Variants in HS6ST3 observed in about 807,000 individuals in gnomAD.
HS6ST3 encodes the protein heparan-sulfate 6-O-sulfotransferase 3.
HS6ST3 carries 12 observed loss-of-function variants against 36.7 expected under a neutral mutation model. The observed-to-expected ratio is 0.33, with a 90% CI of 0.21 to 0.53. The LOEUF is 0.53. Ranked by LOEUF, HS6ST3 falls within the 20% of genes least tolerant of loss-of-function variation. The pLI, the probability that HS6ST3 is intolerant of heterozygous loss-of-function variation, is 0.95. For synonymous variants in HS6ST3, 240 were observed against 257.5 expected, an observed-to-expected ratio of 0.93 and a Z score of 0.65; for missense variants, 584 against 640.9, an observed-to-expected ratio of 0.91 and a Z score of 0.96.
intron 1 of HS6ST3, among the ~76,000 whole-genome samples, chr13:96,410,596 T>C (rs1049183996): frequency 2.6e-5 from 4 of 152,134 alleles, no homozygotes; most frequent in Admixed American, 2.0e-4. Context: ...ATGTCTATAA[T>C]AGGGTAGTAT....
At chr13:96,348,552 C>T (rs1343798873) in intron 1 of HS6ST3, among the ~76,000 whole-genome samples, 1 of 152,112 alleles carries the variant, frequency 6.6e-6, no homozygotes, top group Non-Finnish European at 1.5e-5. Flanking sequence ...ATTACTGAAA[C>T]CAACATGTGT....
At chr13:96,354,602 T>G (rs2055200694) in intron 1 of HS6ST3, among the ~76,000 whole-genome samples, 2 of 152,172 alleles carry the variant, frequency 1.3e-5, no homozygotes, top group Admixed American at 1.3e-4. Flanking sequence ...CATGAAGAAT[T>G]ACATAATGTT....
At chr13:96,775,906 C>T (rs186292100) in intron 1 of HS6ST3, among the ~76,000 whole-genome samples, 42 of 152,244 alleles carry the variant, frequency 2.8e-4, no homozygotes, top group African/African-American at 8.2e-4. Flanking sequence ...AGCACCACAT[C>T]GCAATGATTC....
chr13:96,541,113 A>G (rs980763292), intron 1 of HS6ST3, among the ~76,000 whole-genome samples: 1 of 152,018 alleles, frequency 6.6e-6, no homozygotes. Flanking sequence ...GCTCACTGCA[A>G]CCTCTGCCTC....
At chr13:96,112,150 T>C (rs1274076404) in intron 1 of HS6ST3, among the ~76,000 whole-genome samples, 1 of 151,954 alleles carries the variant, frequency 6.6e-6, no homozygotes, top group African/African-American at 2.4e-5. Flanking sequence ...TATTTATGAG[T>C]TGAATGTGTG....
intron 1 of HS6ST3, among the ~76,000 whole-genome samples, chr13:96,331,350 G>C (rs1207954749): frequency 6.6e-6 from 1 of 151,684 alleles, no homozygotes; most frequent in African/African-American, 2.4e-5. Context: ...ATGTACAGAT[G>C]GGTTTTTGGT....
At chr13:96,095,260 T>C (rs645595) in intron 1 of HS6ST3, among the ~76,000 whole-genome samples, 125,277 of 152,280 alleles carry the variant, frequency 0.82, 51,876 homozygotes, top group East Asian at 0.92. Flanking sequence ...GTTCTGGGAA[T>C]TGCATTTTGA....
chr13:96,768,935 G>A lies in HS6ST3; in HGVS notation c.708-63555G>A, dbSNP rs1594855755. Among the ~76,000 whole-genome samples, 3 of 152,204 alleles carry A rather than the reference G, an allele frequency of 2.0e-5. No homozygotes were observed. In the South Asian group the frequency reaches 6.2e-4, roughly 32 times the overall value. On this transcript the variant is annotated intron_variant, in intron 1 of 1. Transcript: ENST00000376705. ...AGATTCCTGGGCTAGACCCCAGAAT[G>A]TAGCAGGTTGACAACAGGAAAGACC...
At chr13:96,140,729 A>G (rs917623047) in intron 1 of HS6ST3, among the ~76,000 whole-genome samples, 1 of 152,198 alleles carries the variant, frequency 6.6e-6, no homozygotes, top group African/African-American at 2.4e-5. Context: ...ACTTCTTATG[A>G]AATCCTTTTT....
At chr13:96,392,046 C>T (rs576456128) in intron 1 of HS6ST3, among the ~76,000 whole-genome samples, 1 of 152,264 alleles carries the variant, frequency 6.6e-6, no homozygotes, top group South Asian at 2.1e-4. Flanking sequence ...GAATAAGGCC[C>T]ACTCTCTGCT....
intron 1 of HS6ST3, among the ~76,000 whole-genome samples, chr13:96,561,998 A>G (rs1277628971): frequency 6.6e-6 from 1 of 152,246 alleles, no homozygotes; most frequent in Non-Finnish European, 1.5e-5. Flanking sequence ...AAACAGAGCT[A>G]CCATTTGACC....
At chr13:96,440,794 A>T (rs1290799262) in intron 1 of HS6ST3, among the ~76,000 whole-genome samples, 1 of 152,192 alleles carries the variant, frequency 6.6e-6, no homozygotes, top group Non-Finnish European at 1.5e-5. Flanking sequence ...TAGTCTTGAG[A>T]CTATAAAAAA....
chr13:96,651,114 T>C (rs2056605795), intron 1 of HS6ST3, among the ~76,000 whole-genome samples: 1 of 152,098 alleles, frequency 6.6e-6, no homozygotes, highest in Non-Finnish European at 1.5e-5. Context: ...ACTTCTAACC[T>C]ATATTTTGAA....
At chr13:96,802,692 G>T (rs1878107306) in intron 1 of HS6ST3, among the ~76,000 whole-genome samples, 2 of 152,136 alleles carry the variant, frequency 1.3e-5, no homozygotes, top group Non-Finnish European at 2.9e-5. Context: ...GAAACAAGTT[G>T]CCCAAGCTAT....
intron 1 of HS6ST3, among the ~76,000 whole-genome samples, chr13:96,768,933 A>T (rs570456267): frequency 1.3e-5 from 2 of 152,212 alleles, no homozygotes; most frequent in South Asian, 4.2e-4. Flanking sequence ...AGACCCCAGA[A>T]TGTAGCAGGT....
chr13:96,393,017 T>G (rs570752504), intron 1 of HS6ST3, among the ~76,000 whole-genome samples: 3 of 152,216 alleles, frequency 2.0e-5, no homozygotes, highest in South Asian at 4.2e-4. Flanking sequence ...GTGGGGACAG[T>G]TTCTCCCATA....
intron 1 of HS6ST3, among the ~76,000 whole-genome samples, chr13:96,237,731 G>A (rs1474304059): frequency 1.3e-5 from 2 of 152,172 alleles, no homozygotes; most frequent in African/African-American, 4.8e-5. Context: ...CTTTGTATGG[G>A]TTAATTCGGT....
intron 1 of HS6ST3, among the ~76,000 whole-genome samples, chr13:96,125,169 T>C (rs1481370912): frequency 6.6e-6 from 1 of 152,084 alleles, no homozygotes; most frequent in Non-Finnish European, 1.5e-5. Context: ...AACCACCAAA[T>C]TGCCGTTAAA....
intron 1 of HS6ST3, among the ~76,000 whole-genome samples, chr13:96,775,658 A>AC (rs1322914174): frequency 4.6e-5 from 7 of 152,200 alleles, no homozygotes; most frequent in Non-Finnish European, 7.3e-5. Flanking sequence ...ATATATATCC[A>AC]CCCAATACAG....
Sources: allele counts gnomAD v4.1 joint callset (sites outside exome capture counted in the v4.1 genomes callset), GRCh38; gene constraint gnomAD v4.1.1; transcripts MANE v1.5; gene names NCBI Gene and HGNC (gene_info 2026-07-23, HGNC 2026-07-21).